SPAST: variants seen among roughly 807,000 people sequenced by gnomAD.
SPAST encodes the protein spastin.
A neutral mutation model predicts 76.6 loss-of-function variants in SPAST; 30 were observed. The ratio of observed to expected loss-of-function variants is 0.39; its 90% CI spans 0.29 to 0.53. The LOEUF (loss-of-function observed/expected upper bound fraction) is 0.53. Among genes scored for constraint, SPAST ranks in the 20% least tolerant of loss-of-function variants. The pLI is 0.68. For missense variants in SPAST, 717 were observed against 770.5 expected (o/e 0.93, Z 0.82); for synonymous variants, 305 against 281.0 (o/e 1.09, Z -0.86).
chr2:32,147,685 G>A (rs1301406627), intron 16 of SPAST, among the ~76,000 whole-genome samples: 1 of 151,462 alleles, frequency 6.6e-6, no homozygotes, highest in African/African-American at 2.4e-5. Flanking sequence ...AGACTGGAGT[G>A]CAGTGGTGCG....
Position 32,098,875 on chromosome 2 carries a change from T to G in SPAST, c.666T>G (p.Asn222Lys), listed in dbSNP as rs758571660. 1 of 1,613,110 alleles carries G rather than the reference T, an allele frequency of 6.2e-7. No homozygotes were observed. Residue 222 changes from asparagine (N) to lysine (K), a missense_variant, in exon 4 of 17, where the codon AAT becomes AAG. By Grantham distance (94) the Asn-to-Lys change is moderately conservative (BLOSUM62 0). Coordinates refer to ENST00000315285, the MANE Select transcript of SPAST (RefSeq NM_014946.4). ...YNDSTNLACR[N>K]GHLQSESGAV... ...ACAGTACTAACTTGGCATGCCGCAATGGACATCTCCAGTCAGGTGGGTTTA... is the reference window on the plus strand; with the variant it reads ...ACAGTACTAACTTGGCATGCCGCAAGGGACATCTCCAGTCAGGTGGGTTTA...
chr2:32,109,873 T>TACAC (rs1340931632), intron 4 of SPAST, among the ~76,000 whole-genome samples: 75 of 148,954 alleles, frequency 5.0e-4, no homozygotes, highest in South Asian at 2.7e-3. Context: ...TCTATATGCA[T>TACAC]ATACATATAT....
chr2:32,121,698 C>T lies in SPAST; in HGVS notation c.1099-5250C>T, dbSNP rs554170132. Among the ~76,000 whole-genome samples, 14 of 151,958 alleles carry T rather than the reference C, an allele frequency of 9.2e-5. No homozygotes were observed. In the East Asian group the frequency reaches 2.7e-3, roughly 30 times the overall value. On this transcript the variant is annotated intron_variant, in intron 7 of 16. Coordinates refer to ENST00000315285, the MANE Select transcript of SPAST (RefSeq NM_014946.4). ...TGGGATTACAGGTGCCCACCACCAC[C>T]ATGCCCGGCTAATTGTTGTATTTTT...
At position 32,098,827 on chromosome 2, in the gene SPAST, G is replaced by C; in HGVS notation, c.618G>C (p.Lys206Asn). 6.2e-7 allele frequency: 1 copy of C among 1,613,680 alleles called. No homozygotes were observed. The highest frequency in any genetic ancestry group is 1.3e-5 in the African/African-American group (1 of 74,964). Residue 206 changes from lysine (K) to asparagine (N), a missense_variant, in exon 4 of 17, where the codon AAG becomes AAC. Physicochemically the swap from Lys to Asn is moderately conservative, Grantham distance 94 (BLOSUM62 0). Coordinates refer to ENST00000315285, the MANE Select transcript of SPAST (RefSeq NM_014946.4). ...EKMQPVLPFS[K>N]SQTDVYNDST... ...TGCAACCAGTTTTGCCATTTTCCAA[G>C]TCACAAACGGACGTCTATAATGACA...
chr2:32,141,490 T>G (rs950958809), intron 12 of SPAST, among the ~76,000 whole-genome samples: 9 of 152,230 alleles, frequency 5.9e-5, no homozygotes, highest in African/African-American at 2.2e-4. Context: ...TCTTCCTTTG[T>G]CAGTGTAATT....
At chr2:32,078,473 G>A (rs1034228013) in intron 1 of SPAST, among the ~76,000 whole-genome samples, 2 of 152,078 alleles carry the variant, frequency 1.3e-5, no homozygotes, top group Admixed American at 1.3e-4. Flanking sequence ...ACTGTGCCCG[G>A]CCCCATTTCT....
intron 3 of SPAST, among the ~76,000 whole-genome samples, chr2:32,097,390 C>A (rs1032220752): frequency 2.0e-5 from 3 of 152,176 alleles, no homozygotes; most frequent in Non-Finnish European, 2.9e-5. Context: ...CCATCCCATT[C>A]TATGCCCTGG....
At chr2:32,081,405 C>G (rs1356579142) in intron 1 of SPAST, among the ~76,000 whole-genome samples, 1 of 152,158 alleles carries the variant, frequency 6.6e-6, no homozygotes, top group Non-Finnish European at 1.5e-5. Context: ...TGGCTCAGTT[C>G]TTAACTGTTC....
intron 9 of SPAST, among the ~76,000 whole-genome samples, chr2:32,134,709 T>G (rs1679479165): frequency 6.6e-6 from 1 of 152,168 alleles, no homozygotes; most frequent in Non-Finnish European, 1.5e-5. Flanking sequence ...CTTTTTATTT[T>G]TTTGGGACAA....
intron 1 of SPAST, among the ~76,000 whole-genome samples, chr2:32,081,379 C>G (rs771207747): frequency 6.6e-6 from 1 of 152,178 alleles, no homozygotes; most frequent in Non-Finnish European, 1.5e-5. Context: ...TAGGCATGAG[C>G]CACCACGCCT....
At chr2:32,154,257 C>T (rs1296465320) in intron 16 of SPAST, 117 bp from the exon 17 acceptor site, 2 of 846,946 alleles carry the variant, frequency 2.4e-6, no homozygotes, top group Admixed American at 2.3e-5. Flanking sequence ...AGAATACATA[C>T]ACGTATATTT....
intron 1 of SPAST, among the ~76,000 whole-genome samples, chr2:32,076,057 C>T (rs904794604): frequency 8.6e-5 from 13 of 151,656 alleles, no homozygotes; most frequent in African/African-American, 2.9e-4. Context: ...CGCGCCACCA[C>T]GCCTGGCTAA....
At chr2:32,120,040 G>C (rs1379827760) in intron 7 of SPAST, among the ~76,000 whole-genome samples, 2 of 130,110 alleles carry the variant, frequency 1.5e-5, no homozygotes, top group South Asian at 4.9e-4. Flanking sequence ...TTTTTTTTTT[G>C]ATTGAGACAG....
chr2:32,082,974 A>T (rs1677299879), intron 1 of SPAST, among the ~76,000 whole-genome samples: 1 of 151,798 alleles, frequency 6.6e-6, no homozygotes, highest in South Asian at 2.1e-4. Context: ...TTAATTAATT[A>T]ATTAATTTTT....
intron 7 of SPAST, among the ~76,000 whole-genome samples, chr2:32,123,621 C>T (rs1259687715): frequency 6.6e-6 from 1 of 152,186 alleles, no homozygotes; most frequent in Non-Finnish European, 1.5e-5. Flanking sequence ...AATTTCAAGA[C>T]TTACTGTAAA....
intron 14 of SPAST, among the ~76,000 whole-genome samples, chr2:32,144,459 T>C (rs1423377399): frequency 6.6e-6 from 1 of 152,242 alleles, no homozygotes; most frequent in African/African-American, 2.4e-5. Flanking sequence ...GAGGCATTAC[T>C]ACATTTGTTT....
chr2:32,147,915 GC>G (rs71407419), intron 16 of SPAST, among the ~76,000 whole-genome samples: 1 of 148,208 alleles, frequency 6.7e-6, no homozygotes, highest in East Asian at 2.0e-4. Flanking sequence ...ACAGGCGTGA[GC>G]CACTGCGCCC....
intron 1 of SPAST, among the ~76,000 whole-genome samples, chr2:32,086,473 A>G (rs1018362942): frequency 7.2e-5 from 11 of 151,860 alleles, no homozygotes; most frequent in Non-Finnish European, 1.3e-4. Context: ...AAAAAAAAAA[A>G]AAAATGAGGC....
intron 16 of SPAST, among the ~76,000 whole-genome samples, chr2:32,151,241 C>A (rs1450656906): frequency 6.6e-6 from 1 of 152,152 alleles, no homozygotes; most frequent in African/African-American, 2.4e-5. Flanking sequence ...CCATGCCTGG[C>A]TCTACTATAT....
Sources: allele counts gnomAD v4.1 joint callset (sites outside exome capture counted in the v4.1 genomes callset), GRCh38; gene constraint gnomAD v4.1.1; transcripts MANE v1.5; gene names NCBI Gene and HGNC (gene_info 2026-07-23, HGNC 2026-07-21).